Variants in ZNF131 observed in about 807,000 individuals in gnomAD.
The protein encoded by ZNF131 is zinc finger protein 131.
Under a neutral mutation model 60.0 loss-of-function variants are expected in ZNF131, and 7 were observed. The ratio of observed to expected loss-of-function variants is 0.12; its 90% CI spans 0.07 to 0.22. ZNF131 has a LOEUF of 0.22. Among genes scored for constraint, ZNF131 ranks in the 10% least tolerant of loss-of-function variants. ZNF131 has a pLI of 1.00. For synonymous variants in ZNF131, 257 were observed against 253.2 expected, an observed-to-expected ratio of 1.01 and a Z score of -0.14; for missense variants, 493 against 740.9, an observed-to-expected ratio of 0.67 and a Z score of 3.88.
intron 4 of ZNF131, among the ~76,000 whole-genome samples, chr5:43,158,651 T>C (rs1349584176): frequency 6.6e-6 from 1 of 152,186 alleles, no homozygotes; most frequent in Non-Finnish European, 1.5e-5. Context: ...TATTCACAGA[T>C]ATTAGGGGCC....
At chr5:43,126,329 T>G (rs1331213270) in intron 3 of ZNF131, among the ~76,000 whole-genome samples, 1 of 152,248 alleles carries the variant, frequency 6.6e-6, no homozygotes, top group Non-Finnish European at 1.5e-5. Context: ...TCAGACTGCC[T>G]CTGTGGGCTG....
chr5:43,134,368 A>G (rs1051418362), intron 3 of ZNF131, among the ~76,000 whole-genome samples: 2 of 152,210 alleles, frequency 1.3e-5, no homozygotes, highest in African/African-American at 4.8e-5. Flanking sequence ...ATAGAAGGAA[A>G]TTATCTCAAC....
intron 3 of ZNF131, among the ~76,000 whole-genome samples, chr5:43,137,419 T>G (rs1018983315): frequency 2.0e-5 from 3 of 152,116 alleles, no homozygotes; most frequent in Non-Finnish European, 2.9e-5. Context: ...AAATTAAAAA[T>G]GTTTTTTTAA....
chr5:43,130,687 C>T (rs1745231515), intron 3 of ZNF131, among the ~76,000 whole-genome samples: 1 of 152,052 alleles, frequency 6.6e-6, no homozygotes, highest in Non-Finnish European at 1.5e-5. Context: ...GCCTCAGCCT[C>T]TCGAGTAGCT....
chr5:43,129,813 C>T (rs1745064440), intron 3 of ZNF131, among the ~76,000 whole-genome samples: 1 of 152,096 alleles, frequency 6.6e-6, no homozygotes, highest in Admixed American at 6.5e-5. Context: ...TGCCACCACG[C>T]CCGGCTACTT....
Position 43,175,866 on chromosome 5 carries a change from A to G in ZNF131, c.*733A>G, listed in dbSNP as rs1396833435. ...TATATTTTTGGTTATAATGACAACC[A>G]CCAGTTCTTTTTCACTTAAGTTAGG... is the stretch of plus-strand genomic sequence containing the variant. On this transcript the variant is annotated 3_prime_UTR_variant, in exon 7 of 7. Coordinates refer to ENST00000682664, the MANE Select transcript of ZNF131 (RefSeq NM_001330707.2). The G allele has an allele frequency of 9.1e-5, 14 of 153,248 alleles. No individual in the cohort carries two copies. The East Asian group carries it at 2.5e-3, about 27-fold the overall frequency. 9.5% of individuals were successfully genotyped at this position (153,248 alleles called of 1,614,324 possible).
chr5:43,167,960 G>C (rs2112053944), intron 5 of ZNF131: 2 of 453,952 alleles, frequency 4.4e-6, no homozygotes, highest in Middle Eastern at 6.5e-4. Context: ...ACTGTTATGA[G>C]GCCACATCTG....
intron 4 of ZNF131, among the ~76,000 whole-genome samples, chr5:43,160,140 C>T (rs2111920596): frequency 6.6e-6 from 1 of 151,096 alleles, no homozygotes; most frequent in Admixed American, 6.6e-5. Context: ...CACGCCACTG[C>T]ACTCCAGCCT....
At chr5:43,153,779 C>G (rs1347756734) in intron 4 of ZNF131, among the ~76,000 whole-genome samples, 1 of 152,140 alleles carries the variant, frequency 6.6e-6, no homozygotes, top group Non-Finnish European at 1.5e-5. Context: ...CTAGGGACAG[C>G]TAAATTCAGT....
chr5:43,163,699 T>G (rs1198855859), intron 5 of ZNF131, among the ~76,000 whole-genome samples: 1 of 152,260 alleles, frequency 6.6e-6, no homozygotes, highest in Non-Finnish European at 1.5e-5. Flanking sequence ...TACAGCATGC[T>G]AAGTATTAGA....
At chr5:43,132,478 G>C (rs1298412524) in intron 3 of ZNF131, among the ~76,000 whole-genome samples, 1 of 149,166 alleles carries the variant, frequency 6.7e-6, no homozygotes, top group African/African-American at 2.5e-5. Context: ...AGTAAAACAT[G>C]AAAGTTCTAA....
At chr5:43,137,696 AAATACCATACAATTCAGC>A in intron 3 of ZNF131, among the ~76,000 whole-genome samples, 1 of 152,362 alleles carries the variant, frequency 6.6e-6, no homozygotes, top group South Asian at 2.1e-4. Flanking sequence ...TAAAAAATTA[AAATACCATACAATTCAGC>A]AATCCCACTT....
intron 5 of ZNF131, among the ~76,000 whole-genome samples, chr5:43,171,871 C>T (rs372426559): frequency 7.9e-5 from 12 of 152,136 alleles, no homozygotes; most frequent in Non-Finnish European, 1.5e-4. Context: ...CCACCCACCT[C>T]GGCCTCCCAA....
intron 4 of ZNF131, 94 bp from the exon 5 acceptor site, chr5:43,161,155 T>G: frequency 1.8e-6 from 2 of 1,134,966 alleles, no homozygotes; most frequent in Non-Finnish European, 2.5e-6. Context: ...TATAACTGTT[T>G]ATATAAATTT....
rs1261787170 is a variant in ZNF131, at chr5:43,175,556, A to G, written c.*423A>G. The G allele has an allele frequency of 1.2e-5, 8 of 666,608 alleles. No individual in the cohort carries two copies. Among genetic ancestry groups the G allele is most frequent in the East Asian group, 8.2e-5 (3 of 36,414 alleles). The allele number at this position is 666,608 out of a possible 1,614,324, so 41.3% of individuals were successfully genotyped here. A position where few individuals can be genotyped will look rare whatever the true frequency, so the allele number is the denominator to read the frequency against. ...AATGCATGTTAGAAAATTGAATAATATAGGAAACACAAGGCTGCATGATGA... is the reference window on the plus strand; with the variant it reads ...AATGCATGTTAGAAAATTGAATAATGTAGGAAACACAAGGCTGCATGATGA... On this transcript the variant is annotated 3_prime_UTR_variant, in exon 7 of 7. Transcript: ENST00000682664.
At chr5:43,171,407 C>G (rs1243809763) in intron 5 of ZNF131, among the ~76,000 whole-genome samples, 2 of 152,108 alleles carry the variant, frequency 1.3e-5, no homozygotes, top group African/African-American at 4.8e-5. Flanking sequence ...TAATGGATGT[C>G]CCTCCTGGCT....
chr5:43,163,622 C>T (rs1379200911), intron 5 of ZNF131, among the ~76,000 whole-genome samples: 1 of 152,188 alleles, frequency 6.6e-6, no homozygotes, highest in Non-Finnish European at 1.5e-5. Context: ...CAGTAGCTAC[C>T]ACCAACGAAT....
intron 5 of ZNF131, among the ~76,000 whole-genome samples, chr5:43,162,619 AGC>A (rs1749842520): frequency 8.0e-6 from 1 of 125,550 alleles, no homozygotes; most frequent in Non-Finnish European, 1.7e-5. Flanking sequence ...AAGAAAAAAA[AGC>A]GGCCAGGCGC....
chr5:43,142,157 C>T (rs901902396), intron 4 of ZNF131, among the ~76,000 whole-genome samples: 2 of 151,410 alleles, frequency 1.3e-5, no homozygotes, highest in Non-Finnish European at 2.9e-5. Context: ...CTGGCCAAGA[C>T]GGTGAAACCC....
Sources: gnomAD v4.1 joint callset for allele counts (sites outside exome capture counted in the v4.1 genomes callset) on GRCh38, gnomAD v4.1.1 for gene constraint, MANE v1.5 for transcripts, NCBI Gene and HGNC (gene_info 2026-07-23, HGNC 2026-07-21) for gene names.